The following BMPER variants were observed in gnomAD, a reference collection of about 807,000 sequenced individuals.
BMPER encodes BMP-binding endothelial regulator protein.
In BMPER, 45 loss-of-function variants were observed where a neutral mutation model predicts 87.3. The observed-to-expected ratio is 0.52, with a 90% confidence interval of 0.41 to 0.66. The LOEUF (loss-of-function observed/expected upper bound fraction) is 0.66. BMPER is among the 30% of genes least tolerant of loss of function. The pLI is 0.00. For missense variants in BMPER, 784 were observed against 867.5 expected (o/e 0.90, Z 1.21); for synonymous variants, 326 against 316.2 (o/e 1.03, Z -0.33).
intron 3 of BMPER, among the ~76,000 whole-genome samples, chr7:33,952,578 C>G (rs1785051275): frequency 6.6e-6 from 1 of 152,142 alleles, no homozygotes; most frequent in African/African-American, 2.4e-5. Flanking sequence ...CTTTTATTTG[C>G]TGCTTAAATT....
At chr7:33,937,167 G>A in intron 2 of BMPER, 122 bp from the exon 3 acceptor site, 1 of 978,932 alleles carries the variant, frequency 1.0e-6, no homozygotes, top group South Asian at 1.4e-5. Context: ...TGCTCTCACA[G>A]CGTCTTCTTG....
At chr7:34,019,848 G>A in intron 6 of BMPER, among the ~76,000 whole-genome samples, 1 of 151,942 alleles carries the variant, frequency 6.6e-6, no homozygotes, top group East Asian at 1.9e-4. Flanking sequence ...AGAGTAATTG[G>A]TGCTCCAGAG....
At chr7:34,122,540 A>C (rs1790289113) in intron 13 of BMPER, among the ~76,000 whole-genome samples, 3 of 152,158 alleles carry the variant, frequency 2.0e-5, no homozygotes, top group African/African-American at 7.2e-5. Context: ...TCCTTAGTGA[A>C]TTTGCCTGCA....
chr7:34,033,730 C>G (rs1787588464), intron 6 of BMPER, among the ~76,000 whole-genome samples: 1 of 152,232 alleles, frequency 6.6e-6, no homozygotes, highest in East Asian at 1.9e-4. Context: ...CTTGACATCT[C>G]TTTTAAGTAG....
intron 3 of BMPER, among the ~76,000 whole-genome samples, chr7:33,948,680 G>T (rs530189418): frequency 6.6e-6 from 1 of 152,286 alleles, no homozygotes; most frequent in South Asian, 2.1e-4. Context: ...TGCTGGCCAT[G>T]TGAAGATGGT....
At chr7:33,935,924 G>C (rs1331975359) in intron 2 of BMPER, among the ~76,000 whole-genome samples, 1 of 152,156 alleles carries the variant, frequency 6.6e-6, no homozygotes, top group Non-Finnish European at 1.5e-5. Context: ...CCTTGCAAAA[G>C]CCACGAGGGC....
At chr7:33,916,987 G>T (rs1381109868) in intron 2 of BMPER, among the ~76,000 whole-genome samples, 1 of 151,612 alleles carries the variant, frequency 6.6e-6, no homozygotes, top group Non-Finnish European at 1.5e-5. Flanking sequence ...TCTTTTTTTT[G>T]AAATGAATGT....
intron 6 of BMPER, among the ~76,000 whole-genome samples, chr7:33,996,395 C>T (rs894015322): frequency 6.6e-6 from 1 of 152,156 alleles, no homozygotes; most frequent in African/African-American, 2.4e-5. Context: ...TTAGGACACT[C>T]ACTTTTATAT....
chr7:34,146,040 TACAC>T (rs1052487463), intron 14 of BMPER, among the ~76,000 whole-genome samples: 1 of 151,782 alleles, frequency 6.6e-6, no homozygotes, highest in Non-Finnish European at 1.5e-5. Context: ...CTCTCACATA[TACAC>T]ACACACACAT....
chr7:34,130,444 C>A (rs748136088), intron 13 of BMPER, among the ~76,000 whole-genome samples: 1 of 152,216 alleles, frequency 6.6e-6, no homozygotes, highest in Non-Finnish European at 1.5e-5. Context: ...GTAGTTAAAT[C>A]CATGGAATGC....
intron 9 of BMPER, among the ~76,000 whole-genome samples, chr7:34,057,270 T>A (rs1477676295): frequency 6.6e-6 from 1 of 152,220 alleles, no homozygotes; most frequent in East Asian, 1.9e-4. Context: ...CAAGCAAGGA[T>A]GCACATCCCT....
intron 11 of BMPER, among the ~76,000 whole-genome samples, chr7:34,077,876 C>G (rs1041426921): frequency 6.6e-6 from 1 of 151,856 alleles, no homozygotes; most frequent in Non-Finnish European, 1.5e-5. Context: ...TATTCTTGAT[C>G]TGGCTATTAT....
chr7:34,003,604 G>A (rs571786577), intron 6 of BMPER, among the ~76,000 whole-genome samples: 84 of 151,854 alleles, frequency 5.5e-4, no homozygotes, highest in African/African-American at 1.9e-3. Flanking sequence ...TTTTATGTAG[G>A]GCATATCTGC....
At chr7:34,147,897 G>A (rs1267110345) in intron 14 of BMPER, among the ~76,000 whole-genome samples, 1 of 152,100 alleles carries the variant, frequency 6.6e-6, no homozygotes, top group African/African-American at 2.4e-5. Context: ...TGAATTCACA[G>A]AGGGTAAATG....
At position 33,934,552 on chromosome 7, in the gene BMPER, A is replaced by G. The variant is rs564104928; in HGVS notation, c.220-2737A>G. On this transcript the variant is annotated intron_variant, in intron 2 of 14. Transcript: ENST00000649409. ...AAAAAAAAAATCCAGATGTGAATCT[A>G]CAAACCATCTGGTTGGAATAACTTT... 5.3e-5 allele frequency among the ~76,000 whole-genome samples: 8 copies of G among 151,680 alleles called. No individual in the cohort carries two copies. The East Asian group carries it at 1.6e-3, about 29-fold the overall frequency.
At chr7:34,147,638 T>C (rs2127995903) in intron 14 of BMPER, among the ~76,000 whole-genome samples, 1 of 152,182 alleles carries the variant, frequency 6.6e-6, no homozygotes, top group African/African-American at 2.4e-5. Flanking sequence ...GCTTGGCTAA[T>C]TTTGTATTTT....
At chr7:34,132,482 T>C (rs888003292) in intron 13 of BMPER, among the ~76,000 whole-genome samples, 4 of 152,194 alleles carry the variant, frequency 2.6e-5, no homozygotes, top group Non-Finnish European at 5.9e-5. Flanking sequence ...CAGGTTCTTC[T>C]TTCTTTCTGC....
intron 6 of BMPER, among the ~76,000 whole-genome samples, chr7:34,034,941 G>A (rs956795742): frequency 1.3e-5 from 2 of 152,128 alleles, no homozygotes; most frequent in African/African-American, 2.4e-5. Context: ...GACCTGCCCA[G>A]ACATGTCAGA....
At chr7:34,101,503 C>T (rs1789681592) in intron 13 of BMPER, among the ~76,000 whole-genome samples, 1 of 152,178 alleles carries the variant, frequency 6.6e-6, no homozygotes, top group South Asian at 2.1e-4. Flanking sequence ...GAAAATTGTG[C>T]ACTAATCAGT....
Sources: allele counts gnomAD v4.1 joint callset (sites outside exome capture counted in the v4.1 genomes callset), GRCh38; gene constraint gnomAD v4.1.1; transcripts MANE v1.5; gene names NCBI Gene and HGNC (gene_info 2026-07-23, HGNC 2026-07-21).